Variants in RIMS1 observed in about 807,000 individuals in gnomAD.
The protein encoded by RIMS1 is regulating synaptic membrane exocytosis 1.
In RIMS1, 83 loss-of-function variants were observed where a neutral mutation model predicts 214.1. The observed-to-expected ratio is 0.39, with a 90% CI of 0.32 to 0.47. The LOEUF is 0.47. RIMS1 is among the 20% of genes least tolerant of loss of function. RIMS1 has a pLI of 0.99. For missense variants in RIMS1, 2,050 were observed against 2,161.8 expected (o/e 0.95, Z 1.03); for synonymous variants, 793 against 786.8 (o/e 1.01, Z -0.13).
intron 1 of RIMS1, among the ~76,000 whole-genome samples, chr6:71,911,166 T>C (rs938061745): frequency 1.3e-5 from 2 of 152,156 alleles, no homozygotes; most frequent in African/African-American, 2.4e-5. Flanking sequence ...GCAGTTCTGT[T>C]GAGCTCCAGA....
chr6:71,940,984 G>A (rs149097816), intron 1 of RIMS1, among the ~76,000 whole-genome samples: 143 of 152,242 alleles, frequency 9.4e-4, no homozygotes, highest in African/African-American at 3.3e-3. Context: ...GGAAGTCAGG[G>A]TCTCATAGTC....
intron 26 of RIMS1, among the ~76,000 whole-genome samples, chr6:72,300,596 T>G (rs930268074): frequency 3.3e-5 from 5 of 151,782 alleles, no homozygotes; most frequent in African/African-American, 1.2e-4. Flanking sequence ...TTACACAGGT[T>G]GCTTTTTGTA....
intron 2 of RIMS1, among the ~76,000 whole-genome samples, chr6:71,997,322 T>C (rs2151684507): frequency 6.6e-6 from 1 of 152,312 alleles, no homozygotes; most frequent in South Asian, 2.1e-4. Flanking sequence ...GATAACTATA[T>C]GCAGCAAGGT....
At chr6:71,989,170 T>C (rs1800860552) in intron 2 of RIMS1, among the ~76,000 whole-genome samples, 1 of 152,244 alleles carries the variant, frequency 6.6e-6, no homozygotes, top group Non-Finnish European at 1.5e-5. Context: ...ACTAGAACAC[T>C]GCTCTTGCCT....
chr6:72,149,719 C>A (rs932259277), intron 4 of RIMS1, among the ~76,000 whole-genome samples: 10 of 152,208 alleles, frequency 6.6e-5, no homozygotes, highest in Non-Finnish European at 1.3e-4. Flanking sequence ...CCTGGATGAG[C>A]CCCTAGAAAT....
At chr6:72,022,358 G>A (rs1258413815) in intron 2 of RIMS1, among the ~76,000 whole-genome samples, 1 of 152,058 alleles carries the variant, frequency 6.6e-6, no homozygotes, top group East Asian at 1.9e-4. Context: ...TCAAACTTGG[G>A]CGTTATCATT....
chr6:72,215,896 T>G (rs1362412767), intron 6 of RIMS1, among the ~76,000 whole-genome samples: 1 of 152,194 alleles, frequency 6.6e-6, no homozygotes, highest in East Asian at 1.9e-4. Context: ...CATGAGATAA[T>G]TATTTTTGAC....
intron 26 of RIMS1, among the ~76,000 whole-genome samples, chr6:72,304,313 T>C (rs1221803920): frequency 1.3e-5 from 2 of 151,764 alleles, no homozygotes; most frequent in African/African-American, 2.4e-5. Flanking sequence ...GTTAAAATAA[T>C]ATAAAAATTT....
chr6:72,250,709 T>C (rs2072888582), intron 13 of RIMS1, among the ~76,000 whole-genome samples: 1 of 152,136 alleles, frequency 6.6e-6, no homozygotes, highest in Admixed American at 6.6e-5. Context: ...GACACATCAT[T>C]TAGAATGTAC....
At chr6:72,285,790 A>G (rs1217952114) in intron 24 of RIMS1, among the ~76,000 whole-genome samples, 1 of 152,206 alleles carries the variant, frequency 6.6e-6, no homozygotes, top group East Asian at 1.9e-4. Context: ...TCAATCTTCA[A>G]CCATCATTTT....
intron 22 of RIMS1, among the ~76,000 whole-genome samples, chr6:72,273,806 T>A (rs2084710346): frequency 1.3e-5 from 2 of 152,190 alleles, no homozygotes; most frequent in Admixed American, 6.5e-5. Flanking sequence ...TTCCCATGAA[T>A]TATTTCTTCA....
chr6:72,238,158 A>G (rs897820814), intron 9 of RIMS1, among the ~76,000 whole-genome samples: 3 of 152,106 alleles, frequency 2.0e-5, no homozygotes, highest in African/African-American at 7.2e-5. Context: ...GAGTAAGGGT[A>G]GGAATCTTCT....
intron 1 of RIMS1, among the ~76,000 whole-genome samples, chr6:71,906,534 T>A (rs539610448): frequency 6.6e-6 from 1 of 152,284 alleles, no homozygotes; most frequent in East Asian, 1.9e-4. Flanking sequence ...GGAAACAAAG[T>A]TAACTATTAT....
chr6:72,198,460 A>G (rs1178291287), intron 6 of RIMS1, among the ~76,000 whole-genome samples: 1 of 151,986 alleles, frequency 6.6e-6, no homozygotes, highest in East Asian at 1.9e-4. Flanking sequence ...GATTTCATGG[A>G]GGTAGACAGT....
At chr6:72,159,417 G>T (rs1281800179) in intron 4 of RIMS1, among the ~76,000 whole-genome samples, 1 of 140,612 alleles carries the variant, frequency 7.1e-6, no homozygotes, top group African/African-American at 2.5e-5. Flanking sequence ...GTCAATTTTG[G>T]CTTTTGTTGC....
chr6:72,020,548 C>T (rs935573740), intron 2 of RIMS1, among the ~76,000 whole-genome samples: 1 of 152,186 alleles, frequency 6.6e-6, no homozygotes, highest in Admixed American at 6.5e-5. Context: ...TCTCACTCTC[C>T]TTCCTTCACT....
At chr6:72,397,764 T>G (rs1345564207) in intron 31 of RIMS1, among the ~76,000 whole-genome samples, 1 of 152,054 alleles carries the variant, frequency 6.6e-6, no homozygotes, top group South Asian at 2.1e-4. Flanking sequence ...ATACAGTCAA[T>G]AAAATGATGG....
chr6:72,093,057 G>A (rs1448604643), intron 2 of RIMS1, among the ~76,000 whole-genome samples: 2 of 151,816 alleles, frequency 1.3e-5, no homozygotes, highest in African/African-American at 4.8e-5. Context: ...ATACAAAACA[G>A]TATTATAAAA....
At chr6:72,228,172 G>T (rs951411477) in intron 6 of RIMS1, among the ~76,000 whole-genome samples, 1 of 151,796 alleles carries the variant, frequency 6.6e-6, no homozygotes, top group African/African-American at 2.4e-5. Flanking sequence ...TTAACGTTAA[G>T]ATTTACCTTC....
Sources: allele counts gnomAD v4.1 joint callset (sites outside exome capture counted in the v4.1 genomes callset), GRCh38; gene constraint gnomAD v4.1.1; transcripts MANE v1.5; gene names NCBI Gene and HGNC (gene_info 2026-07-23, HGNC 2026-07-21).